The following PLEC variants were observed in gnomAD, a reference collection of about 807,000 sequenced individuals.
The protein encoded by PLEC is plectin, also known as hemidesmosomal protein 1.
In PLEC, 216 loss-of-function variants were observed where a neutral mutation model predicts 392.8. That is an observed-to-expected ratio of 0.55 (90% CI 0.49 to 0.62). The LOEUF (loss-of-function observed/expected upper bound fraction) is 0.62, where lower values mean the gene tolerates loss of function less well. PLEC is among the 20% of genes least tolerant of loss of function. The pLI, the probability that PLEC is intolerant of heterozygous loss-of-function variation, is 0.00. For missense variants in PLEC, 6,863 were observed against 6,563.4 expected (o/e 1.05, Z -1.58); for synonymous variants, 3,621 against 2,980.6 (o/e 1.21, Z -7.00).
Position 143,935,960 on chromosome 8 carries a change from G to T in PLEC, c.490C>A (p.Leu164Met), listed in dbSNP as rs1554722945. The change falls in exon 6 of 32, where the codon CTG becomes ATG. Residue 164 changes from leucine to methionine, a missense_variant. Leu to Met is a conservative substitution (Grantham distance 15, BLOSUM62 2). Coordinates refer to ENST00000345136, the MANE Select transcript of PLEC (RefSeq NM_201384.3). ...QSEDMTAKEKLLLWSQRMVEG... is the reference protein window; with the variant it reads ...QSEDMTAKEKMLLWSQRMVEG... ...ACCATTCGCTGCGACCACAGCAGCA[G>T]CTTCTCCTTGGCCGTCATGTCCTCC... The T allele has an allele frequency of 6.2e-7, 1 of 1,612,880 alleles. No individual in the cohort carries two copies. Among genetic ancestry groups the T allele is most frequent in the Admixed American group, 1.7e-5 (1 of 60,018 alleles).
In PLEC at chr8:143,919,717, C is replaced by G. The variant is rs782401000; in HGVS notation, c.10104G>C (p.Lys3368Asn). 3 of 1,606,050 alleles carry G rather than the reference C, an allele frequency of 1.9e-6. No individual in the cohort carries two copies. Among genetic ancestry groups the G allele is most frequent in the Non-Finnish European group, 1.7e-6 (2 of 1,176,272 alleles). The change falls in exon 32 of 32, where the codon AAG becomes AAC. Residue 3368 changes from lysine to asparagine, a missense_variant. By Grantham distance (94) the Lys-to-Asn change is moderately conservative. Transcript: ENST00000345136. ...GGCGCATGGCCTCGTAGATGGACAC[C>G]TTCTCCTTGGTGTCCTCCAGGTAGA... ...AGIYLEDTKE[K>N]VSIYEAMRRG... is the part of the protein sequence containing the mutation.
In PLEC at chr8:143,966,462, G is replaced by A. The variant is rs559150157; in HGVS notation, c.70+6941C>T. Among the ~76,000 whole-genome samples the A allele has an allele frequency of 9.1e-4, 139 of 152,274 alleles. 1 individual carries two copies. Among genetic ancestry groups the A allele is most frequent in the African/African-American group, 3.1e-3 (130 of 41,544 alleles). On this transcript the variant is annotated intron_variant, in intron 1 of 31. Transcript: ENST00000356346. ...CGCTGGCTCTTCCGCCCTCTCTGCC[G>A]CAGGCACATCCTCTCCACCCCAGGC...
At chr8:143,942,080 C>T (rs1830562307), upstream of PLEC, among the ~76,000 whole-genome samples, 1 of 152,152 alleles carries the variant, frequency 6.6e-6, no homozygotes, top group African/African-American at 2.4e-5. Context: ...CCTTCAGCAC[C>T]TCCTCCCTCC....
rs142120912 is a variant in PLEC, at chr8:143,930,545, GA to G, written c.2305-10del. ...AGCTGTTCCTTCTCGTCCTGTGGGG[GA>G]GGGGCAGCATCCAGACGAGGGCCAT... On this transcript the variant is annotated splice_polypyrimidine_tract_variant and intron_variant, in intron 19 of 31. Transcript: ENST00000345136. The G allele has an allele frequency of 2.2e-3, 3,479 of 1,581,710 alleles. 63 individuals are homozygous for G. In the African/African-American group the frequency reaches 0.038, roughly 17 times the overall value.
intron 19 of PLEC, among the ~76,000 whole-genome samples, chr8:143,930,927 C>CCG (rs1366913035): frequency 6.6e-6 from 1 of 152,158 alleles, no homozygotes; most frequent in African/African-American, 2.4e-5. Flanking sequence ...GCTCTCCCCC[C>CCG]GGCCCAGCCC....
intron 1 of PLEC, among the ~76,000 whole-genome samples, chr8:143,961,045 G>A (rs937184562): frequency 2.0e-5 from 3 of 152,224 alleles, no homozygotes; most frequent in Non-Finnish European, 2.9e-5. Context: ...AGTGACCATC[G>A]TCTGCTCGGA....
At position 143,916,415 on chromosome 8, in the gene PLEC, T is replaced by G; in HGVS notation, c.13406A>C (p.Gln4469Pro). ...TGLRLLEAAA[Q>P]STKGYYSPYS... ...GGGGCTGTAGTAGCCCTTGGTGGAC[T>G]GCGCGGCAGCCTCCAGCAGCCGCAG... Residue 4469 changes from glutamine (Q) to proline (P), a missense_variant, in exon 32 of 32, where the codon CAG (glutamine) becomes CCG (proline). By Grantham distance (76) the Gln-to-Pro change is moderately conservative. Coordinates refer to ENST00000345136, the MANE Select transcript of PLEC (RefSeq NM_201384.3). 1 of 1,611,560 alleles carries G rather than the reference T, an allele frequency of 6.2e-7. No individual in the cohort carries two copies. Among genetic ancestry groups the G allele is most frequent in the Non-Finnish European group, 8.5e-7 (1 of 1,179,398 alleles).
rs372400636 is a variant in PLEC, at chr8:143,930,425, G to C, written c.2416C>G (p.Arg806Gly). Residue 806 changes from arginine to glycine, a missense_variant, in exon 20 of 32, where the codon CGC (arginine) becomes GGC (glycine). Coordinates refer to ENST00000345136, the MANE Select transcript of PLEC (RefSeq NM_201384.3). ...PRHPAHPMRG[R>G]LPLLAVCDYK... ...TCGCACACGGCCAGCAGGGGCAGGC[G>C]GCCCCGCATGGGGTGGGCTGGGTGG... 1.2e-5 allele frequency: 19 copies of C among 1,572,232 alleles called. No homozygotes were observed. In the South Asian group the frequency reaches 2.1e-4, roughly 17 times the overall value.
In PLEC at chr8:143,920,127, C is replaced by T. The variant is rs1030581337; in HGVS notation, c.9694G>A (p.Glu3232Lys). ...TCAACCGGGGTCTTTTCAAAGGTCT[C>T]ACGGGCCTGCAGCTCTGAGTAGAGC... is the stretch of plus-strand genomic sequence containing the variant. ...EELYSELQAR[E>K]TFEKTPVEVP... is the part of the protein sequence containing the mutation. Residue 3232 changes from glutamate (E) to lysine (K), a missense_variant, in exon 32 of 32, where the codon GAG becomes AAG. By Grantham distance (56) the Glu-to-Lys change is moderately conservative (BLOSUM62 1). Transcript: ENST00000345136. 8 of 1,612,792 alleles carry T rather than the reference C, an allele frequency of 5.0e-6. No individual in the cohort carries two copies. The highest frequency in any genetic ancestry group is 3.3e-5 in the Admixed American group (2 of 60,008).
chr8:143,964,741 G>A (rs1554741720), intron 1 of PLEC, among the ~76,000 whole-genome samples: 2 of 152,178 alleles, frequency 1.3e-5, no homozygotes, highest in African/African-American at 4.8e-5. Flanking sequence ...TGGCAGTCAT[G>A]ACAGTGGCGT....
At chr8:143,952,216 ACACACG>A (rs1221471698), upstream of PLEC, among the ~76,000 whole-genome samples, 2,946 of 96,634 alleles carry the variant, frequency 0.03, 84 homozygotes, top group African/African-American at 0.082. Flanking sequence ...ACACGCGCGC[ACACACG>A]CACGCGCACG....
intron 1 of PLEC, chr8:143,945,307 C>T (rs913879967): frequency 4.8e-6 from 2 of 420,742 alleles, no homozygotes; most frequent in South Asian, 1.7e-5. Context: ...GGGATGGAGA[C>T]GCCTCTCCTG....
At chr8:143,936,905 C>A in intron 5 of PLEC, 74 bp downstream of exon 5, 2 of 1,207,916 alleles carry the variant, frequency 1.7e-6, no homozygotes, top group East Asian at 2.3e-5. Context: ...AGCGGATCAA[C>A]CCGCCAGCCA....
chr8:143,940,337 C>T (rs1382856022), upstream of PLEC, among the ~76,000 whole-genome samples: 1 of 152,176 alleles, frequency 6.6e-6, no homozygotes, highest in African/African-American at 2.4e-5. Flanking sequence ...AATGGAGCAT[C>T]GGGAAGCCCC....
rs78353351 is a variant in PLEC at position 143,964,056 on chromosome 8, A to G, written c.70+9347T>C. Among the ~76,000 whole-genome samples the G allele has an allele frequency of 4.5e-3, 692 of 152,150 alleles. 3 individuals carry two copies. Among genetic ancestry groups the G allele is most frequent in the Non-Finnish European group, 7.2e-3 (492 of 68,010 alleles). On this transcript the variant is annotated intron_variant, in intron 1 of 31. Transcript: ENST00000356346. ...TCCTGATCTCAGGTGATCCACCCAC[A>G]GGCCTCCCAAAGTGCTGGGATTACA...
chr8:143,952,670 T>C (rs374963577), upstream of PLEC, among the ~76,000 whole-genome samples: 37 of 150,392 alleles, frequency 2.5e-4, no homozygotes, highest in African/African-American at 9.0e-4. Flanking sequence ...TAACCCACGA[T>C]ACCCACACTG....
rs1554690774 is a variant in PLEC, at chr8:143,922,887, C to T, written c.7042G>A (p.Glu2348Lys). The change falls in exon 31 of 32, where the codon GAG (glutamate) becomes AAG (lysine). Residue 2348 changes from glutamate (E) to lysine (K), a missense_variant. Coordinates refer to ENST00000345136, the MANE Select transcript of PLEC (RefSeq NM_201384.3). ...TGCTGCGCCATCTGCTCCTTGTCCTCCTGCAGCCGCCGCGCCTGCTCCTGC... is the reference window on the plus strand; with the variant it reads ...TGCTGCGCCATCTGCTCCTTGTCCTTCTGCAGCCGCCGCGCCTGCTCCTGC... ...LAQEQARRLQ[E>K]DKEQMAQQLA... The T allele has an allele frequency of 1.3e-6, 2 of 1,582,584 alleles. No individual in the cohort carries two copies. The highest frequency in any genetic ancestry group is 8.6e-7 in the Non-Finnish European group (1 of 1,165,178).
chr8:143,947,048 C>T (rs782376602), intron 1 of PLEC, among the ~76,000 whole-genome samples: 11 of 152,264 alleles, frequency 7.2e-5, no homozygotes, highest in African/African-American at 2.2e-4. Context: ...AGAAGCCTGC[C>T]GGCGATCTAC....
In PLEC at chr8:143,929,100, CA is replaced by C; in HGVS notation, c.3260+2del. 1 of 1,569,124 alleles carries C rather than the reference CA, an allele frequency of 6.4e-7. No homozygotes were observed. On this transcript the variant is annotated splice_donor_variant, in intron 25 of 31. Transcript: ENST00000345136. LOFTEE classifies it high-confidence loss of function. ...CCCCTCGCCTGTGGCCAGGTGCACT[CA>C]CTTCTCCAGGTAGATGGCAGACAGG...
Sources: allele counts gnomAD v4.1 joint callset (sites outside exome capture counted in the v4.1 genomes callset), GRCh38; gene constraint gnomAD v4.1.1; transcripts MANE v1.5; gene names NCBI Gene and HGNC (gene_info 2026-07-23, HGNC 2026-07-21).